The following SYT16 variants were observed in gnomAD, a reference collection of about 807,000 sequenced individuals.
The protein encoded by SYT16 is synaptotagmin-16.
Under a neutral mutation model 61.4 loss-of-function variants are expected in SYT16, and 42 were observed. The observed-to-expected ratio is 0.68, with a 90% CI of 0.53 to 0.89. The LOEUF (loss-of-function observed/expected upper bound fraction) is 0.89. SYT16 is among the 40% of genes least tolerant of loss of function. The probability of loss-of-function intolerance (pLI) is 0.00; values close to 1 mark genes in which losing one functional copy is unlikely to be tolerated. For synonymous variants in SYT16, 314 were observed against 302.3 expected (o/e 1.04, Z -0.40); for missense variants, 804 against 807.3 (o/e 1.00, Z 0.05).
Position 61,884,824 on chromosome 14 carries a change from T to C in SYT16, c.-325+72014T>C, listed in dbSNP as rs2047837741. 2.0e-5 allele frequency among the ~76,000 whole-genome samples: 3 copies of C among 152,316 alleles called. No homozygotes were observed. The South Asian group carries it at 6.2e-4, about 32-fold the overall frequency. On this transcript the variant is annotated intron_variant, in intron 1 of 7. Coordinates refer to ENST00000683842, the MANE Select transcript of SYT16 (RefSeq NM_001367656.1). ...TGTTGATTGGGGGATGAAGTCACTC[T>C]TCCCACTGTTTGTAGGGCAGAAAGT...
intron 2 of SYT16, among the ~76,000 whole-genome samples, chr14:61,985,570 G>A (rs2052270649): frequency 6.6e-6 from 1 of 152,124 alleles, no homozygotes; most frequent in Non-Finnish European, 1.5e-5. Flanking sequence ...ACCAATTTCA[G>A]CAGTCTGCGC....
chr14:62,021,354 C>T (rs1424468784), intron 3 of SYT16, among the ~76,000 whole-genome samples: 2 of 152,040 alleles, frequency 1.3e-5, no homozygotes, highest in Non-Finnish European at 2.9e-5. Context: ...ATGGGTGTGG[C>T]CTTCTTATTA....
chr14:61,955,560 G>A (rs1012053289), intron 1 of SYT16, among the ~76,000 whole-genome samples: 1 of 151,904 alleles, frequency 6.6e-6, no homozygotes, highest in African/African-American at 2.4e-5. Flanking sequence ...TTCTCTGTGT[G>A]TCTTATTTTA....
chr14:61,903,874 A>T (rs147864571), intron 1 of SYT16, among the ~76,000 whole-genome samples: 54 of 152,346 alleles, frequency 3.5e-4, no homozygotes, highest in African/African-American at 1.2e-3. Context: ...CACTGCTGGG[A>T]TGCTGAAGGT....
intron 2 of SYT16, among the ~76,000 whole-genome samples, chr14:61,975,148 A>G (rs1300937910): frequency 6.6e-6 from 1 of 152,266 alleles, no homozygotes; most frequent in African/African-American, 2.4e-5. Flanking sequence ...AATTGAGAAT[A>G]TTAGATAAAG....
chr14:61,874,871 G>A (rs2047439367), intron 1 of SYT16, among the ~76,000 whole-genome samples: 1 of 151,878 alleles, frequency 6.6e-6, no homozygotes, highest in South Asian at 2.1e-4. Flanking sequence ...CCACGTTAGA[G>A]TCTGGTTATT....
intron 7 of SYT16, among the ~76,000 whole-genome samples, chr14:62,092,618 A>G (rs1369458405): frequency 6.6e-6 from 1 of 151,796 alleles, no homozygotes; most frequent in Non-Finnish European, 1.5e-5. Flanking sequence ...AAATGAAATA[A>G]GCCAGTCACA....
At chr14:61,889,042 A>G (rs886607175) in intron 1 of SYT16, among the ~76,000 whole-genome samples, 1 of 152,180 alleles carries the variant, frequency 6.6e-6, no homozygotes, top group African/African-American at 2.4e-5. Flanking sequence ...TAAAGAAAAA[A>G]AAGATTCAAA....
chr14:61,819,789 G>C (rs112255090), intron 1 of SYT16, among the ~76,000 whole-genome samples: 4 of 152,290 alleles, frequency 2.6e-5, no homozygotes, highest in African/African-American at 7.2e-5. Context: ...TGCCTGAGTC[G>C]TGAACTCTGG....
intron 3 of SYT16, among the ~76,000 whole-genome samples, chr14:62,063,917 C>G (rs1458688231): frequency 6.6e-6 from 1 of 152,112 alleles, no homozygotes; most frequent in Non-Finnish European, 1.5e-5. Context: ...GGAGAGTCAG[C>G]TTTCTCTTTG....
At chr14:61,911,492 T>G (rs1413083493) in intron 1 of SYT16, among the ~76,000 whole-genome samples, 6 of 152,134 alleles carry the variant, frequency 3.9e-5, no homozygotes. Context: ...TTGTTTTCTG[T>G]TGAAAAATGT....
At chr14:62,014,813 A>G (rs767357354) in intron 3 of SYT16, among the ~76,000 whole-genome samples, 2 of 152,136 alleles carry the variant, frequency 1.3e-5, no homozygotes, top group Non-Finnish European at 2.9e-5. Flanking sequence ...TAAAGTCTGC[A>G]TCAGATTTCA....
At chr14:62,027,555 C>T (rs1246318195) in intron 3 of SYT16, among the ~76,000 whole-genome samples, 1 of 152,174 alleles carries the variant, frequency 6.6e-6, no homozygotes, top group Non-Finnish European at 1.5e-5. Flanking sequence ...CTAGATATTC[C>T]ATTTTTTATA....
intron 1 of SYT16, among the ~76,000 whole-genome samples, chr14:61,886,153 A>G (rs2047892165): frequency 6.6e-6 from 1 of 151,834 alleles, no homozygotes; most frequent in African/African-American, 2.4e-5. Flanking sequence ...TTTAGTAGAG[A>G]TGGAGTTTCA....
At position 61,981,399 on chromosome 14, in the gene SYT16, T is replaced by A. The variant is rs1378852864; in HGVS notation, c.-145+11088T>A. 2.6e-5 allele frequency among the ~76,000 whole-genome samples: 4 copies of A among 152,290 alleles called. No homozygotes were observed. The East Asian group carries it at 7.7e-4, about 29-fold the overall frequency. On this transcript the variant is annotated intron_variant, in intron 2 of 7. Coordinates refer to ENST00000683842, the MANE Select transcript of SYT16 (RefSeq NM_001367656.1). ...TGTGTTTTTGTTTCCTTCAGTATAT[T>A]ATGGTGGGGAGGTTGGGAAAAGAAA...
intron 3 of SYT16, among the ~76,000 whole-genome samples, chr14:62,038,986 T>C (rs1413670863): frequency 6.6e-6 from 1 of 152,208 alleles, no homozygotes; most frequent in Non-Finnish European, 1.5e-5. Flanking sequence ...GGGATTATTA[T>C]TCCCATTTAT....
intron 1 of SYT16, among the ~76,000 whole-genome samples, chr14:61,949,531 C>G (rs1269357465): frequency 6.6e-6 from 1 of 152,086 alleles, no homozygotes; most frequent in Non-Finnish European, 1.5e-5. Context: ...TCATAGTGCA[C>G]TAAAGCCTTC....
At chr14:61,881,034 CA>C (rs2047679509) in intron 1 of SYT16, among the ~76,000 whole-genome samples, 1 of 152,104 alleles carries the variant, frequency 6.6e-6, no homozygotes, top group Admixed American at 6.5e-5. Flanking sequence ...GATCAAAAAA[CA>C]GAACATTATT....
intron 1 of SYT16, among the ~76,000 whole-genome samples, chr14:61,834,779 A>C (rs1170265121): frequency 6.6e-6 from 1 of 152,092 alleles, no homozygotes; most frequent in East Asian, 1.9e-4. Context: ...CCATCTATCC[A>C]GTTGTACTGG....
Sources: allele counts gnomAD v4.1 joint callset (sites outside exome capture counted in the v4.1 genomes callset), GRCh38; gene constraint gnomAD v4.1.1; transcripts MANE v1.5; gene names NCBI Gene and HGNC (gene_info 2026-07-23, HGNC 2026-07-21).